Variants in EIF3F observed in about 807,000 individuals in gnomAD.
EIF3F encodes eukaryotic translation initiation factor 3 subunit F, also known as deubiquitinating enzyme eIF3f.
Under a neutral mutation model 36.0 loss-of-function variants are expected in EIF3F, and 8 were observed. That is an observed-to-expected ratio of 0.22 (90% CI 0.13 to 0.40). The LOEUF is 0.40. EIF3F is among the 10% of genes least tolerant of loss of function. EIF3F has a pLI of 1.00. For synonymous variants in EIF3F, 184 were observed against 188.5 expected, an observed-to-expected ratio of 0.98 and a Z score of 0.19; for missense variants, 430 against 467.6, an observed-to-expected ratio of 0.92 and a Z score of 0.74.
intron 3 of EIF3F, chr11:7,992,585 A>G: frequency 4.4e-6 from 2 of 458,012 alleles, no homozygotes; most frequent in South Asian, 2.2e-5. Flanking sequence ...TCTAAAAAAC[A>G]AAAGGAAAGT....
chr11:8,000,886 T>C lies in EIF3F; in HGVS notation c.*4864T>C, dbSNP rs992744370. 1.3e-5 allele frequency: 2 copies of C among 152,224 alleles called. No homozygotes were observed. Among genetic ancestry groups the C allele is most frequent in the African/African-American group, 4.8e-5 (2 of 41,458 alleles). The allele number at this position is 152,224 out of a possible 1,614,324, so 9.4% of individuals were successfully genotyped here. ...ATGATTTATGAGTGAGGAAGAACTT[T>C]CTAAGAACTGAGAATCCAGGAGTTA... On this transcript the variant is annotated 3_prime_UTR_variant, in exon 8 of 8. Coordinates refer to ENST00000651655, the MANE Select transcript of EIF3F (RefSeq NM_003754.3).
intron 1 of EIF3F, among the ~76,000 whole-genome samples, chr11:7,991,427 A>C (rs933864800): frequency 6.6e-6 from 1 of 152,138 alleles, no homozygotes; most frequent in African/African-American, 2.4e-5. Flanking sequence ...AAAATATTCC[A>C]GGTAGCTCTG....
chr11:7,993,972 AAAG>A (rs141488074), intron 4 of EIF3F, among the ~76,000 whole-genome samples: 30,067 of 151,968 alleles, frequency 0.2, 3,305 homozygotes, highest in African/African-American at 0.3. Context: ...GACATAGTAA[AAAG>A]AATACCTTTA....
rs1942177284 is a variant in EIF3F at position 7,997,812 on chromosome 11, TAC to T, written c.*1792_*1793del. On this transcript the variant is annotated 3_prime_UTR_variant, in exon 8 of 8. Coordinates refer to ENST00000651655, the MANE Select transcript of EIF3F (RefSeq NM_003754.3). ...TTCCACATCTATGGACTCAACCAAC[TAC>T]AGGTTGAAAATATTGAGGGGGAAAA... 3 of 152,224 alleles carry T rather than the reference TAC, an allele frequency of 2.0e-5. No homozygotes were observed. Among genetic ancestry groups the T allele is most frequent in the Non-Finnish European group, 4.4e-5 (3 of 68,036 alleles). 9.4% of individuals were successfully genotyped at this position (152,224 alleles called of 1,614,324 possible).
At chr11:7,987,801 C>T (rs899452917) in intron 1 of EIF3F, 85 bp downstream of exon 1, 36 of 1,380,294 alleles carry the variant, frequency 2.6e-5, no homozygotes, top group Non-Finnish European at 3.1e-5. Flanking sequence ...TTCTTTAATT[C>T]CTGGTGTCCT....
rs759214410 is a variant in EIF3F, at chr11:7,987,758, CT to C, written c.364+44del. On this transcript the variant is annotated intron_variant, in intron 1 of 7. Coordinates refer to ENST00000651655, the MANE Select transcript of EIF3F (RefSeq NM_003754.3). ...AGTTAACATTCTTTTCTTCCTCCCA[CT>C]TCTCATTTATCTCACTCCCCTAACT... is the stretch of plus-strand genomic sequence containing the variant. 3 of 1,452,746 alleles carry C rather than the reference CT, an allele frequency of 2.1e-6. No homozygotes were observed. In the South Asian group the frequency reaches 4.5e-5, roughly 22 times the overall value. The allele number at this position is 1,452,746 out of a possible 1,614,324, so 90.0% of individuals were successfully genotyped here. A position where few individuals can be genotyped will look rare whatever the true frequency, so the allele number is the denominator to read the frequency against.
chr11:7,987,367 G>A lies in EIF3F; in HGVS notation c.15G>A (p.Ala5=), dbSNP rs764907812. 1.9e-6 allele frequency: 3 copies of A among 1,594,358 alleles called. No homozygotes were observed. Among genetic ancestry groups the A allele is most frequent in the African/African-American group, 1.3e-5 (1 of 74,726 alleles). The change falls in exon 1 of 8, where the codon GCG becomes GCA. Residue 5 remains alanine, a synonymous_variant. Transcript: ENST00000651655. ...TTCTCGACAAGATGGCCACACCGGC[G>A]GTACCAGTAAGTGCTCCTCCGGCCA... is the stretch of plus-strand genomic sequence containing the variant. MATP[A]VPVSAPPATP...
chr11:7,990,930 C>T (rs1942085524), intron 1 of EIF3F, among the ~76,000 whole-genome samples: 1 of 151,944 alleles, frequency 6.6e-6, no homozygotes, highest in South Asian at 2.1e-4. Flanking sequence ...CACCATGGCT[C>T]ACACTTGTAA....
At chr11:7,992,322 G>T (rs1942107223) in intron 3 of EIF3F, 159 bp downstream of exon 3, 1 of 672,490 alleles carries the variant, frequency 1.5e-6, no homozygotes, top group South Asian at 1.9e-5. Flanking sequence ...TGTAATCCCA[G>T]CTGGGAGGCT....
At chr11:7,993,728 G>A (rs907883160) in intron 4 of EIF3F, among the ~76,000 whole-genome samples, 3 of 152,156 alleles carry the variant, frequency 2.0e-5, no homozygotes, top group African/African-American at 7.2e-5. Context: ...GTAAGACAAA[G>A]ATGGTGGATG....
In EIF3F at chr11:7,995,133, A is replaced by C. The variant is rs774373608; in HGVS notation, c.882+15A>C. The C allele has an allele frequency of 1.6e-5, 25 of 1,612,886 alleles. No homozygotes were observed. The highest frequency in any genetic ancestry group is 4.0e-5 in the African/African-American group (3 of 74,898). ...AGGATGTACTGGTGAGAGGGGAAAG[A>C]AAAAACAAAGGGGGAGGACATAGTT... On this transcript the variant is annotated intron_variant, in intron 6 of 7. Transcript: ENST00000651655.
intron 2 of EIF3F, 21 bp from the exon 3 acceptor site, chr11:7,992,063 C>T: frequency 6.2e-7 from 1 of 1,611,456 alleles, no homozygotes; most frequent in Non-Finnish European, 8.5e-7. Flanking sequence ...TCTTAGCTTG[C>T]TTTCCTGCCT....
intron 7 of EIF3F, 191 bp from the exon 8 acceptor site, chr11:7,995,754 A>G: frequency 3.0e-6 from 2 of 661,920 alleles, no homozygotes; most frequent in South Asian, 3.6e-5. Context: ...GTGTATCAGT[A>G]GAGATAAGAA....
chr11:7,988,651 C>T (rs973744298), intron 1 of EIF3F, among the ~76,000 whole-genome samples: 1 of 152,198 alleles, frequency 6.6e-6, no homozygotes, highest in African/African-American at 2.4e-5. Flanking sequence ...CATTCTTTCT[C>T]TTTCATACTC....
rs1324257478 is a variant in EIF3F at position 8,000,443 on chromosome 11, C to G, written c.*4421C>G. The G allele has an allele frequency of 6.6e-6, 1 of 152,038 alleles. No homozygotes were observed. Among genetic ancestry groups the G allele is most frequent in the East Asian group, 1.9e-4 (1 of 5,176 alleles). The allele number at this position is 152,038 out of a possible 1,614,324, so 9.4% of individuals were successfully genotyped here. On this transcript the variant is annotated 3_prime_UTR_variant, in exon 8 of 8. Coordinates refer to ENST00000651655, the MANE Select transcript of EIF3F (RefSeq NM_003754.3). ...GATGTTGGTCAAGGGTACAAAGTTTCAGTTAAACAGGAGTAGTACGTTCCG... is the reference window on the plus strand; with the variant it reads ...GATGTTGGTCAAGGGTACAAAGTTTGAGTTAAACAGGAGTAGTACGTTCCG...
In EIF3F at chr11:7,987,351, A is replaced by G; in HGVS notation, c.-2A>G. ...GCTTCCGCCTCCTTCTTTCTCGACA[A>G]GATGGCCACACCGGCGGTACCAGTA... On this transcript the variant is annotated 5_prime_UTR_variant, in exon 1 of 8. Transcript: ENST00000651655. The G allele has an allele frequency of 6.3e-7, 1 of 1,592,138 alleles. No individual in the cohort carries two copies. Among genetic ancestry groups the G allele is most frequent in the Non-Finnish European group, 8.5e-7 (1 of 1,175,850 alleles).
At chr11:7,995,799 T>G in intron 7 of EIF3F, 146 bp from the exon 8 acceptor site, 1 of 718,342 alleles carries the variant, frequency 1.4e-6, no homozygotes, top group South Asian at 1.6e-5. Context: ...GTCTTCTACC[T>G]TTTTGACTTT....
At chr11:7,992,717 T>A (rs546647744) in intron 3 of EIF3F, 170 bp from the exon 4 acceptor site, 1 of 820,740 alleles carries the variant, frequency 1.2e-6, no homozygotes, top group Admixed American at 2.4e-5. Flanking sequence ...TAAGTCAGCC[T>A]TTGATTTTAT....
rs1445884300 is a variant in EIF3F, at chr11:8,001,040, A to G, written c.*5018A>G. The G allele has an allele frequency of 6.6e-6, 1 of 152,218 alleles. No homozygotes were observed. Among genetic ancestry groups the G allele is most frequent in the Non-Finnish European group, 1.5e-5 (1 of 68,036 alleles). The allele number at this position is 152,218 out of a possible 1,614,324, so 9.4% of individuals were successfully genotyped here. On this transcript the variant is annotated 3_prime_UTR_variant, in exon 8 of 8. Transcript: ENST00000651655. ...AGTTCATATCAAAAAAAGGGCTAATATTCTTGTCCCAGAATTCCTACAGTT... is the reference window on the plus strand; with the variant it reads ...AGTTCATATCAAAAAAAGGGCTAATGTTCTTGTCCCAGAATTCCTACAGTT...
Sources: gnomAD v4.1 joint callset for allele counts (sites outside exome capture counted in the v4.1 genomes callset) on GRCh38, gnomAD v4.1.1 for gene constraint, MANE v1.5 for transcripts, NCBI Gene and HGNC (gene_info 2026-07-23, HGNC 2026-07-21) for gene names.